The following ASAP2 variants were observed in gnomAD, a reference collection of about 807,000 sequenced individuals.
The protein encoded by ASAP2 is ArfGAP with SH3 domain, ankyrin repeat and PH domain 2.
Under a neutral mutation model 131.4 loss-of-function variants are expected in ASAP2, and 45 were observed. That is an observed-to-expected ratio of 0.34 (90% CI 0.27 to 0.44). The LOEUF (loss-of-function observed/expected upper bound fraction) is 0.44. Among genes scored for constraint, ASAP2 ranks in the 20% least tolerant of loss-of-function variants. The pLI, the probability that ASAP2 is intolerant of heterozygous loss-of-function variation, is 1.00. For synonymous variants in ASAP2, 510 were observed against 503.0 expected (o/e 1.01, Z -0.19); for missense variants, 1,011 against 1,297.0 (o/e 0.78, Z 3.39).
rs1236564369 is a variant in ASAP2, at chr2:9,254,227, AAAAAAAAAAAT to A, written c.127-25088_127-25078del. On this transcript the variant is annotated intron_variant, in intron 1 of 27. Transcript: ENST00000281419. ...CTGTCTCAAAAAAAAAAAAAAAAAA[AAAAAAAAAAAT>A]ATATATATATATATATACACGTGTG... 1.0e-4 allele frequency among the ~76,000 whole-genome samples: 11 copies of A among 108,164 alleles called. No homozygotes were observed. The East Asian group carries it at 1.0e-3, about 10-fold the overall frequency. The allele number at this position is 108,164 out of a possible 152,430, so 71.0% of individuals were successfully genotyped here. A position where few individuals can be genotyped will look rare whatever the true frequency, so the allele number is the denominator to read the frequency against.
chr2:9,238,799 C>T (rs139894145), intron 1 of ASAP2, among the ~76,000 whole-genome samples: 8 of 152,264 alleles, frequency 5.3e-5, no homozygotes, highest in African/African-American at 1.2e-4. Flanking sequence ...TAAAACACCC[C>T]GAAAGCTTCC....
At chr2:9,359,937 T>G (rs1277174409) in intron 15 of ASAP2, among the ~76,000 whole-genome samples, 1 of 152,210 alleles carries the variant, frequency 6.6e-6, no homozygotes, top group Admixed American at 6.5e-5. Context: ...ACTTAAAATG[T>G]AAAACTAAGG....
intron 24 of ASAP2, among the ~76,000 whole-genome samples, chr2:9,397,854 G>T (rs62118808): frequency 5.3e-4 from 76 of 144,326 alleles, no homozygotes; most frequent in Non-Finnish European, 7.8e-4. Context: ...CGCCTCCCGG[G>T]TTCACGCCAT....
intron 1 of ASAP2, among the ~76,000 whole-genome samples, chr2:9,246,294 T>C (rs1664336096): frequency 6.6e-6 from 1 of 152,184 alleles, no homozygotes; most frequent in East Asian, 1.9e-4. Flanking sequence ...AAAATTTTAT[T>C]TTATTTTTAA....
At chr2:9,323,019 GA>G in intron 5 of ASAP2, 101 bp from the exon 6 acceptor site, 1 of 1,407,122 alleles carries the variant, frequency 7.1e-7, no homozygotes, top group Admixed American at 1.9e-5. Context: ...AACGTGTGGT[GA>G]GCGTTGGTCT....
At chr2:9,306,314 A>C (rs1668938734) in intron 3 of ASAP2, among the ~76,000 whole-genome samples, 1 of 151,360 alleles carries the variant, frequency 6.6e-6, no homozygotes, top group South Asian at 2.1e-4. Flanking sequence ...GGGGGTTGTG[A>C]GTGAAGGAGG....
intron 3 of ASAP2, among the ~76,000 whole-genome samples, chr2:9,299,402 A>G (rs1449758314): frequency 1.3e-5 from 2 of 152,218 alleles, no homozygotes; most frequent in African/African-American, 2.4e-5. Context: ...TGCCCAGCCA[A>G]TCAAAGACGA....
chr2:9,248,815 G>GT (rs1207078427), intron 1 of ASAP2, among the ~76,000 whole-genome samples: 1 of 152,134 alleles, frequency 6.6e-6, no homozygotes, highest in East Asian at 1.9e-4. Context: ...CCTGAACCTA[G>GT]TTTTTTAGTG....
At chr2:9,347,158 C>A (rs1422538144) in intron 11 of ASAP2, among the ~76,000 whole-genome samples, 2 of 152,188 alleles carry the variant, frequency 1.3e-5, no homozygotes, top group Non-Finnish European at 2.9e-5. Flanking sequence ...CGCTGCCATG[C>A]AGAAAAATAA....
chr2:9,317,192 C>A (rs530699616), intron 3 of ASAP2, among the ~76,000 whole-genome samples: 2 of 143,672 alleles, frequency 1.4e-5, no homozygotes, highest in Non-Finnish European at 1.5e-5. Flanking sequence ...ACACACCCCA[C>A]GCAATCACAC....
chr2:9,248,375 T>TC (rs968533078), intron 1 of ASAP2, among the ~76,000 whole-genome samples: 1 of 150,464 alleles, frequency 6.6e-6, no homozygotes, highest in African/African-American at 2.4e-5. Flanking sequence ...TTGGTGTCAT[T>TC]TTTTTTTTTC....
At chr2:9,375,403 G>C (rs1473059266) in intron 17 of ASAP2, among the ~76,000 whole-genome samples, 1 of 152,052 alleles carries the variant, frequency 6.6e-6, no homozygotes, top group Non-Finnish European at 1.5e-5. Context: ...AATAAACTAG[G>C]GTTTTTTCTT....
intron 1 of ASAP2, among the ~76,000 whole-genome samples, chr2:9,238,271 A>G (rs959200162): frequency 2.0e-5 from 3 of 152,196 alleles, no homozygotes; most frequent in Non-Finnish European, 2.9e-5. Flanking sequence ...AGACACTCTT[A>G]TGTTATATCT....
chr2:9,231,160 G>A (rs527662347), intron 1 of ASAP2, among the ~76,000 whole-genome samples: 1 of 152,298 alleles, frequency 6.6e-6, no homozygotes, highest in East Asian at 1.9e-4. Flanking sequence ...GAAAGGCAGT[G>A]GCTGGGTGTT....
intron 1 of ASAP2, among the ~76,000 whole-genome samples, chr2:9,273,434 C>G (rs1435674516): frequency 1.3e-5 from 2 of 152,194 alleles, no homozygotes; most frequent in Non-Finnish European, 2.9e-5. Context: ...AGTGTAACCA[C>G]CCAATGGGTT....
At chr2:9,248,123 G>A (rs1275872868) in intron 1 of ASAP2, among the ~76,000 whole-genome samples, 1 of 152,228 alleles carries the variant, frequency 6.6e-6, no homozygotes, top group Non-Finnish European at 1.5e-5. Context: ...ACAGCAGCAA[G>A]AGATGGCAGG....
At chr2:9,332,305 T>G (rs549650919) in intron 7 of ASAP2, among the ~76,000 whole-genome samples, 1 of 152,218 alleles carries the variant, frequency 6.6e-6, no homozygotes, top group South Asian at 2.1e-4. Flanking sequence ...ATAGTGTTCC[T>G]TTTCTTGAAG....
intron 16 of ASAP2, among the ~76,000 whole-genome samples, chr2:9,371,387 T>C (rs76008109): frequency 0.028 from 4,246 of 152,344 alleles, 191 homozygotes; most frequent in African/African-American, 0.097. Flanking sequence ...ATTTTGGTTT[T>C]TCCCACCGTA....
Position 9,376,821 on chromosome 2 carries a change from G to A in ASAP2, c.1747-87G>A. On this transcript the variant is annotated intron_variant, in intron 17 of 27. Coordinates refer to ENST00000281419, the MANE Select transcript of ASAP2 (RefSeq NM_003887.3). ...CGAAGGGAAAGATAAAAGACTTTTG[G>A]AAGAGTTGTACACGATTTCACCGGT... The A allele has an allele frequency of 2.5e-6, 3 of 1,198,366 alleles. No individual in the cohort carries two copies. The South Asian group carries it at 3.8e-5, about 15-fold the overall frequency. 74.2% of individuals were successfully genotyped at this position (1,198,366 alleles called of 1,614,324 possible).
Sources: allele counts gnomAD v4.1 joint callset (sites outside exome capture counted in the v4.1 genomes callset), GRCh38; gene constraint gnomAD v4.1.1; transcripts MANE v1.5; gene names NCBI Gene and HGNC (gene_info 2026-07-23, HGNC 2026-07-21).